Variants in UNC79 observed in about 807,000 individuals in gnomAD.
The protein encoded by UNC79 is protein unc-79 homolog.
UNC79 carries 37 observed loss-of-function variants against 283.1 expected under a neutral mutation model. The observed-to-expected ratio is 0.13, with a 90% CI of 0.10 to 0.17. UNC79 has a LOEUF of 0.17. Ranked by LOEUF, UNC79 falls within the 10% of genes least tolerant of loss-of-function variation. The probability of loss-of-function intolerance (pLI) is 1.00; values close to 1 mark genes in which losing one functional copy is unlikely to be tolerated. For missense variants in UNC79, 2,272 were observed against 3,211.1 expected, an observed-to-expected ratio of 0.71 and a Z score of 7.07; for synonymous variants, 1,107 against 1,200.2, an observed-to-expected ratio of 0.92 and a Z score of 1.61.
At chr14:93,580,324 T>G in exon 19 of UNC79, 1 of 1,614,238 alleles carries the variant, frequency 6.2e-7, no homozygotes, top group African/African-American at 1.3e-5. Context: ...TGCTATCAGC[T>G]TGCTTGTGAA....
chr14:93,695,201 T>C (rs1319753258), intron 47 of UNC79, among the ~76,000 whole-genome samples: 1 of 152,116 alleles, frequency 6.6e-6, no homozygotes, highest in Non-Finnish European at 1.5e-5. Flanking sequence ...ATCTTTCACC[T>C]CTATATTCTA....
At chr14:93,342,960 C>T (rs908392165) in intron 1 of UNC79, among the ~76,000 whole-genome samples, 2 of 151,662 alleles carry the variant, frequency 1.3e-5, no homozygotes, top group Admixed American at 1.3e-4. Context: ...GTCCATATAT[C>T]ATACTATCAG....
chr14:93,421,803 T>C (rs1427259115), intron 1 of UNC79, among the ~76,000 whole-genome samples: 1 of 149,198 alleles, frequency 6.7e-6, no homozygotes, highest in African/African-American at 2.5e-5. Context: ...AACAAGAACA[T>C]TTATCATGGC....
intron 32 of UNC79, among the ~76,000 whole-genome samples, chr14:93,638,002 G>A (rs1234054463): frequency 1.3e-5 from 2 of 152,200 alleles, no homozygotes; most frequent in African/African-American, 4.8e-5. Flanking sequence ...GCTCACAGAA[G>A]CAAGCTGAAG....
chr14:93,394,104 A>G (rs559568202), intron 1 of UNC79, among the ~76,000 whole-genome samples: 2 of 152,194 alleles, frequency 1.3e-5, no homozygotes, highest in East Asian at 1.9e-4. Flanking sequence ...TATTCTTGCT[A>G]TGTTCTGAGG....
Position 93,688,297 on chromosome 14 carries a change from G to A in UNC79, c.6910-368G>A, listed in dbSNP as rs953210848. Among the ~76,000 whole-genome samples the A allele has an allele frequency of 1.3e-5, 2 of 152,166 alleles. No individual in the cohort carries two copies. The highest frequency in any genetic ancestry group is 4.8e-5 in the African/African-American group (2 of 41,450). On this transcript the variant is annotated intron_variant, in intron 43 of 48. Transcript: ENST00000555664. This position sits in a 1 kb window ranked among gnomAD's most constrained non-coding sequence, Gnocchi z 4.0. The stretch of plus-strand genomic sequence containing the variant: ...AAGGCAGCACGGACCTGGCCGGGGA[G>A]GTCAGGGAAGGCTTCCCAGAGGAAG...
intron 1 of UNC79, among the ~76,000 whole-genome samples, chr14:93,404,493 A>AATATAT (rs1445930733): frequency 1.6e-5 from 1 of 61,498 alleles, no homozygotes; most frequent in African/African-American, 6.7e-5. Context: ...TTCTAAAAAA[A>AATATAT]ATATATATAT....
chr14:93,580,356 A>G (rs772723881), exon 19 of UNC79: 1 of 1,613,834 alleles, frequency 6.2e-7, no homozygotes, highest in Non-Finnish European at 8.5e-7. Flanking sequence ...ACTAGCTCCT[A>G]AAGAAGAAAG....
At chr14:93,467,931 G>C (rs1413282544) in intron 2 of UNC79, 140 bp downstream of exon 2, 1 of 1,114,872 alleles carries the variant, frequency 9.0e-7, no homozygotes, top group Non-Finnish European at 1.2e-6. Flanking sequence ...CTGTGCTCAA[G>C]TTCTCTGGGT....
chr14:93,655,067 C>T (rs939591910), intron 37 of UNC79, among the ~76,000 whole-genome samples, 167 bp from the exon 41 acceptor site: 1 of 152,142 alleles, frequency 6.6e-6, no homozygotes, highest in African/African-American at 2.4e-5. Flanking sequence ...TTTGTCTGAA[C>T]GATTTTCTCG....
intron 1 of UNC79, among the ~76,000 whole-genome samples, chr14:93,465,767 A>T (rs1242767): frequency 0.93 from 142,121 of 152,258 alleles, 66,553 homozygotes; most frequent in Admixed American, 0.97. Context: ...CAACTCCTTT[A>T]CTTAGGTGAT....
chr14:93,411,375 T>A (rs61992565), intron 1 of UNC79, among the ~76,000 whole-genome samples: 9,957 of 152,268 alleles, frequency 0.065, 604 homozygotes, highest in East Asian at 0.34. Context: ...GGGAACTTGC[T>A]GCCCTGAAGG....
intron 5 of UNC79, among the ~76,000 whole-genome samples, chr14:93,492,526 G>A (rs912483364): frequency 1.3e-5 from 2 of 152,136 alleles, no homozygotes; most frequent in African/African-American, 2.4e-5. Context: ...GCTAATTTTT[G>A]TATTTTTAGT....
intron 26 of UNC79, among the ~76,000 whole-genome samples, chr14:93,607,598 C>A (rs1475687205): frequency 6.6e-6 from 1 of 152,200 alleles, no homozygotes; most frequent in Non-Finnish European, 1.5e-5. Flanking sequence ...AGGCCTGCTA[C>A]AGAGTGGCTT....
upstream of UNC79, among the ~76,000 whole-genome samples, chr14:93,429,961 G>A (rs1306896837): frequency 6.6e-6 from 1 of 152,210 alleles, no homozygotes; most frequent in Admixed American, 6.5e-5. Context: ...AGTGGTAAAA[G>A]TGGGTCTTGA....
At chr14:93,473,941 C>A in intron 2 of UNC79, 148 bp from the exon 3 acceptor site, 1 of 922,532 alleles carries the variant, frequency 1.1e-6, no homozygotes, top group Non-Finnish European at 1.6e-6. Context: ...GTGACCAGTA[C>A]TAGACTGGTA....
intron 14 of UNC79, among the ~76,000 whole-genome samples, chr14:93,554,981 A>G (rs1253435411): frequency 6.6e-6 from 1 of 152,316 alleles, no homozygotes; most frequent in South Asian, 2.1e-4. Context: ...GTCTAATTCT[A>G]TATATCCCCA....
intron 24 of UNC79, 135 bp from the exon 25 acceptor site, chr14:93,600,434 C>A: frequency 1.8e-6 from 1 of 561,164 alleles, no homozygotes; most frequent in African/African-American, 1.9e-5. Flanking sequence ...CCAGTGGGAT[C>A]ATTCTACATT....
At chr14:93,560,944 A>G (rs1169198705) in intron 14 of UNC79, among the ~76,000 whole-genome samples, 3 of 152,164 alleles carry the variant, frequency 2.0e-5, no homozygotes, top group Non-Finnish European at 4.4e-5. Context: ...TTGAGTGCCC[A>G]CGAGCAACCT....
Sources: gnomAD v4.1 joint callset for allele counts (sites outside exome capture counted in the v4.1 genomes callset) on GRCh38, gnomAD v4.1.1 for gene constraint, Gnocchi (gnomAD v3.1) non-coding constraint, MANE v1.5 for transcripts, NCBI Gene and HGNC (gene_info 2026-07-23, HGNC 2026-07-21) for gene names.